The following ST6GALNAC3 variants were observed in gnomAD, a reference collection of about 807,000 sequenced individuals.
ST6GALNAC3 encodes alpha-N-acetylgalactosaminide alpha-2,6-sialyltransferase 3.
Under a neutral mutation model 32.7 loss-of-function variants are expected in ST6GALNAC3, and 25 were observed. That is an observed-to-expected ratio of 0.76 (90% CI 0.56 to 1.07). The LOEUF (loss-of-function observed/expected upper bound fraction) is 1.07, where lower values mean the gene tolerates loss of function less well. ST6GALNAC3 is among the 50% of genes least tolerant of loss of function. The pLI is 0.00. For synonymous variants in ST6GALNAC3, 129 were observed against 133.1 expected, an observed-to-expected ratio of 0.97 and a Z score of 0.21; for missense variants, 355 against 382.4, an observed-to-expected ratio of 0.93 and a Z score of 0.60.
At chr1:76,621,322 GC>G (rs768823929) in intron 3 of ST6GALNAC3, among the ~76,000 whole-genome samples, 2 of 151,914 alleles carry the variant, frequency 1.3e-5, no homozygotes, top group Non-Finnish European at 2.9e-5. Flanking sequence ...TATTTTTCAG[GC>G]CTGGATTCCT....
intron 1 of ST6GALNAC3, among the ~76,000 whole-genome samples, chr1:76,230,092 TC>T (rs2100634544): frequency 6.6e-6 from 1 of 152,344 alleles, no homozygotes; most frequent in African/African-American, 2.4e-5. Flanking sequence ...TACTTTTGTT[TC>T]TGCTGATAAT....
intron 3 of ST6GALNAC3, among the ~76,000 whole-genome samples, chr1:76,599,129 C>G (rs922144389): frequency 6.6e-6 from 1 of 151,870 alleles, no homozygotes; most frequent in Non-Finnish European, 1.5e-5. Context: ...GCCATTAATA[C>G]TTCTCATTTA....
chr1:76,230,231 T>A (rs139298269), intron 1 of ST6GALNAC3, among the ~76,000 whole-genome samples: 14 of 152,210 alleles, frequency 9.2e-5, no homozygotes, highest in Non-Finnish European at 1.5e-4. Context: ...AGCGTTAAGA[T>A]GAGAAGTTGA....
intron 2 of ST6GALNAC3, among the ~76,000 whole-genome samples, chr1:76,365,609 G>A (rs1489472828): frequency 6.6e-6 from 1 of 152,152 alleles, no homozygotes; most frequent in African/African-American, 2.4e-5. Flanking sequence ...ATCTGATGCA[G>A]AGATCTTTAC....
chr1:76,210,612 G>A (rs1449741099), intron 1 of ST6GALNAC3, among the ~76,000 whole-genome samples: 5 of 152,306 alleles, frequency 3.3e-5, no homozygotes, highest in African/African-American at 1.2e-4. Flanking sequence ...CTGGAAGCTG[G>A]AAATCTCCAA....
At chr1:76,501,583 G>A (rs533225505) in intron 3 of ST6GALNAC3, among the ~76,000 whole-genome samples, 2 of 152,242 alleles carry the variant, frequency 1.3e-5, no homozygotes, top group African/African-American at 4.8e-5. Flanking sequence ...AAAAAACCAC[G>A]CCTAATAAGG....
At chr1:76,577,667 C>G (rs1483342641) in intron 3 of ST6GALNAC3, among the ~76,000 whole-genome samples, 1 of 151,888 alleles carries the variant, frequency 6.6e-6, no homozygotes, top group Non-Finnish European at 1.5e-5. Context: ...CACTGTCCTC[C>G]CAGCATTGTG....
rs1017957099 is a variant in ST6GALNAC3 at position 76,499,480 on chromosome 1, G to T, written c.623+87063G>T. On this transcript the variant is annotated intron_variant, in intron 3 of 4. Coordinates refer to ENST00000328299, the MANE Select transcript of ST6GALNAC3 (RefSeq NM_152996.4). ...CCTCTCTTAGCTTCCTCCACAGCTG[G>T]TCTTTTTATCTTTCAGGTCTTTCCC... Among the ~76,000 whole-genome samples, 3 of 152,108 alleles carry T rather than the reference G, an allele frequency of 2.0e-5. No individual in the cohort carries two copies. In the East Asian group the frequency reaches 5.8e-4, roughly 29 times the overall value.
intron 2 of ST6GALNAC3, among the ~76,000 whole-genome samples, chr1:76,349,669 C>A (rs1648811440): frequency 6.6e-6 from 1 of 152,120 alleles, no homozygotes; most frequent in South Asian, 2.1e-4. Flanking sequence ...TTTTACTATT[C>A]TTTGATTTAT....
intron 1 of ST6GALNAC3, among the ~76,000 whole-genome samples, chr1:76,176,005 C>A (rs1267871052): frequency 6.6e-6 from 1 of 151,904 alleles, no homozygotes; most frequent in South Asian, 2.1e-4. Flanking sequence ...GCCTTTTTTT[C>A]TTTTGGGTAA....
At chr1:76,409,932 A>G (rs988513700) in intron 2 of ST6GALNAC3, among the ~76,000 whole-genome samples, 7 of 152,140 alleles carry the variant, frequency 4.6e-5, no homozygotes, top group African/African-American at 1.7e-4. Flanking sequence ...AATAGGCTGT[A>G]CCTTCAGAAT....
intron 1 of ST6GALNAC3, among the ~76,000 whole-genome samples, chr1:76,200,093 A>G (rs573825231): frequency 6.6e-6 from 1 of 152,322 alleles, no homozygotes; most frequent in African/African-American, 2.4e-5. Context: ...AACTATGCAC[A>G]TGGTAAGTAT....
intron 1 of ST6GALNAC3, among the ~76,000 whole-genome samples, chr1:76,273,307 G>GA (rs1198029759): frequency 1.3e-5 from 2 of 149,166 alleles, no homozygotes; most frequent in Non-Finnish European, 3.0e-5. Context: ...TAAAAGCAAT[G>GA]AAAAAAATAG....
intron 3 of ST6GALNAC3, among the ~76,000 whole-genome samples, chr1:76,622,734 G>A (rs1648727731): frequency 6.6e-6 from 1 of 151,952 alleles, no homozygotes; most frequent in African/African-American, 2.4e-5. Flanking sequence ...TGAATTTCTT[G>A]AGTTCAGAAC....
At chr1:76,528,355 A>G (rs1462356179) in intron 3 of ST6GALNAC3, among the ~76,000 whole-genome samples, 1 of 152,184 alleles carries the variant, frequency 6.6e-6, no homozygotes, top group Non-Finnish European at 1.5e-5. Flanking sequence ...GCCTAAGGTC[A>G]CACAGTTAGT....
intron 1 of ST6GALNAC3, among the ~76,000 whole-genome samples, chr1:76,243,347 A>C (rs1352936333): frequency 6.6e-6 from 1 of 151,918 alleles, no homozygotes; most frequent in Non-Finnish European, 1.5e-5. Flanking sequence ...TAGATTCTGG[A>C]TATTAGCCCT....
chr1:76,348,464 T>A (rs1648703389), intron 2 of ST6GALNAC3, among the ~76,000 whole-genome samples: 1 of 152,214 alleles, frequency 6.6e-6, no homozygotes, highest in Admixed American at 6.5e-5. Context: ...TTCACTCTAA[T>A]TTAAGGTTTT....
intron 3 of ST6GALNAC3, among the ~76,000 whole-genome samples, chr1:76,419,067 A>T (rs1654849403): frequency 6.6e-6 from 1 of 152,064 alleles, no homozygotes; most frequent in Non-Finnish European, 1.5e-5. Context: ...ACACACACAC[A>T]CATATACAAA....
chr1:76,441,312 G>A (rs1457191097), intron 3 of ST6GALNAC3, among the ~76,000 whole-genome samples: 5 of 151,656 alleles, frequency 3.3e-5, no homozygotes, highest in African/African-American at 1.2e-4. Flanking sequence ...ATCTCATTTT[G>A]TCATCTCAAT....
Sources: gnomAD v4.1 joint callset for allele counts (sites outside exome capture counted in the v4.1 genomes callset) on GRCh38, gnomAD v4.1.1 for gene constraint, MANE v1.5 for transcripts, NCBI Gene and HGNC (gene_info 2026-07-23, HGNC 2026-07-21) for gene names.